SREK1IP1: variants seen among roughly 807,000 people sequenced by gnomAD.
The protein encoded by SREK1IP1 is SREK1 interacting protein 1.
SREK1IP1 carries 12 observed loss-of-function variants against 22.8 expected under a neutral mutation model. The observed-to-expected ratio is 0.53, with a 90% CI of 0.34 to 0.85. The LOEUF (loss-of-function observed/expected upper bound fraction) is 0.85, where lower values mean the gene tolerates loss of function less well. Ranked by LOEUF, SREK1IP1 falls within the 40% of genes least tolerant of loss-of-function variation. The pLI is 0.02. For synonymous variants in SREK1IP1, 53 were observed against 52.7 expected (o/e 1.01, Z -0.02); for missense variants, 147 against 171.8 (o/e 0.86, Z 0.81).
intron 2 of SREK1IP1, among the ~76,000 whole-genome samples, chr5:64,749,419 T>C (rs1212941357): frequency 1.1e-4 from 16 of 151,390 alleles, no homozygotes; most frequent in Admixed American, 3.3e-4. Context: ...TCTGTAGTCA[T>C]ATATTCTTTC....
In SREK1IP1 at chr5:64,722,654, T is replaced by G. The variant is rs1173752473; in HGVS notation, c.*1730A>C. The G allele has an allele frequency of 6.6e-6, 1 of 152,232 alleles. No homozygotes were observed. Among genetic ancestry groups the G allele is most frequent in the Non-Finnish European group, 1.5e-5 (1 of 68,032 alleles). 9.4% of individuals were successfully genotyped at this position (152,232 alleles called of 1,614,324 possible). On this transcript the variant is annotated 3_prime_UTR_variant, in exon 5 of 5. Transcript: ENST00000513458. ...GCAAAACAAATCCCTAAAAACCTACTGGCTCTGTATTTTTTCTCCCAGTAA... is the reference window on the plus strand; with the variant it reads ...GCAAAACAAATCCCTAAAAACCTACGGGCTCTGTATTTTTTCTCCCAGTAA...
At chr5:64,749,586 G>A (rs1288530697) in intron 2 of SREK1IP1, among the ~76,000 whole-genome samples, 3 of 152,028 alleles carry the variant, frequency 2.0e-5, no homozygotes, top group African/African-American at 4.8e-5. Flanking sequence ...ACAGGTGCAC[G>A]CCACCGTGCC....
chr5:64,755,697 T>C (rs1456220516), intron 1 of SREK1IP1, among the ~76,000 whole-genome samples: 1 of 150,972 alleles, frequency 6.6e-6, no homozygotes, highest in Non-Finnish European at 1.5e-5. Context: ...CTGTCTAAAA[T>C]AAAAGTTGAA....
chr5:64,747,550 G>C (rs1045607351), intron 2 of SREK1IP1, among the ~76,000 whole-genome samples: 2 of 152,112 alleles, frequency 1.3e-5, no homozygotes, highest in Non-Finnish European at 2.9e-5. Context: ...GAAAATACGA[G>C]TGTTGGCAAA....
At position 64,740,578 on chromosome 5, in the gene SREK1IP1, C is replaced by T. The variant is rs75317769; in HGVS notation, c.205+479G>A. ...CCAGAACTCTCTGCTTTGCCTATGCCTCACGATCACTTGTATACTTGAAAT... is the reference window on the plus strand; with the variant it reads ...CCAGAACTCTCTGCTTTGCCTATGCTTCACGATCACTTGTATACTTGAAAT... On this transcript the variant is annotated intron_variant, in intron 3 of 4. Transcript: ENST00000513458. Among the ~76,000 whole-genome samples the T allele has an allele frequency of 1.6e-3, 241 of 152,274 alleles. 4 individuals carry two copies. In the East Asian group the frequency reaches 0.042, roughly 27 times the overall value.
intron 3 of SREK1IP1, among the ~76,000 whole-genome samples, chr5:64,739,357 A>G (rs1169255852): frequency 1.3e-5 from 2 of 152,080 alleles, no homozygotes; most frequent in African/African-American, 2.4e-5. Flanking sequence ...ATAAACCTCC[A>G]GTAGTCTGCT....
rs1233929966 is a variant in SREK1IP1, at chr5:64,736,525, G to A, written c.205+4532C>T. On this transcript the variant is annotated intron_variant, in intron 3 of 4. Transcript: ENST00000513458. ...TGCTCAGGCTGGAATGCAGTGGCAT[G>A]ATCTCGGCTCACTGCAACCTCTGCC... Among the ~76,000 whole-genome samples, 67 of 150,688 alleles carry A rather than the reference G, an allele frequency of 4.4e-4. 1 individual carries two copies. Among genetic ancestry groups the A allele is most frequent in the Admixed American group, 4.3e-3 (65 of 15,104 alleles).
At chr5:64,759,898 C>A (rs1561392504) in intron 1 of SREK1IP1, among the ~76,000 whole-genome samples, 2 of 152,132 alleles carry the variant, frequency 1.3e-5, no homozygotes, top group Non-Finnish European at 2.9e-5. Flanking sequence ...TAAATTAGTA[C>A]TATCTCTTAT....
chr5:64,725,866 T>C (rs1451222647), intron 4 of SREK1IP1, among the ~76,000 whole-genome samples: 2 of 147,996 alleles, frequency 1.4e-5, no homozygotes, highest in East Asian at 2.0e-4. Context: ...TGTTTCTTTT[T>C]TTTTTTTTTT....
At chr5:64,725,105 A>G (rs1742241335) in intron 4 of SREK1IP1, among the ~76,000 whole-genome samples, 1 of 152,174 alleles carries the variant, frequency 6.6e-6, no homozygotes, top group Non-Finnish European at 1.5e-5. Flanking sequence ...CTAGACGGAG[A>G]GTGATACAGA....
At chr5:64,765,162 T>A (rs1047385571) in intron 1 of SREK1IP1, 2 of 152,236 alleles carry the variant, frequency 1.3e-5, no homozygotes, top group African/African-American at 4.8e-5. Context: ...AAAGTAAATT[T>A]CACTGAAACC....
chr5:64,726,033 A>C (rs1447031725), intron 4 of SREK1IP1, among the ~76,000 whole-genome samples: 1 of 151,020 alleles, frequency 6.6e-6, no homozygotes, highest in African/African-American at 2.4e-5. Context: ...TCCACCAGCT[A>C]ATTTTTTTTG....
chr5:64,754,618 C>CGAGATCT, intron 1 of SREK1IP1: 1 of 362,138 alleles, frequency 2.8e-6, no homozygotes, highest in Non-Finnish European at 5.1e-6. Context: ...CATGTGCCAC[C>CGAGATCT]ACACCTGGCT....
intron 1 of SREK1IP1, among the ~76,000 whole-genome samples, chr5:64,759,322 T>C (rs572652308): frequency 1.1e-4 from 16 of 152,332 alleles, no homozygotes; most frequent in African/African-American, 3.1e-4. Context: ...AAAGTGACTA[T>C]AGTAGAGCTA....
At chr5:64,763,215 C>A (rs761431390) in intron 1 of SREK1IP1, among the ~76,000 whole-genome samples, 3 of 152,000 alleles carry the variant, frequency 2.0e-5, no homozygotes, top group Non-Finnish European at 2.9e-5. Context: ...TCACAAAGTA[C>A]AATTAATCCG....
chr5:64,737,811 A>G (rs1742491330), intron 3 of SREK1IP1, among the ~76,000 whole-genome samples: 1 of 152,156 alleles, frequency 6.6e-6, no homozygotes, highest in South Asian at 2.1e-4. Flanking sequence ...GAACATTTAT[A>G]TGTCAACAAA....
intron 1 of SREK1IP1, among the ~76,000 whole-genome samples, chr5:64,763,528 C>T (rs1218532778): frequency 6.6e-6 from 1 of 151,734 alleles, no homozygotes; most frequent in African/African-American, 2.4e-5. Flanking sequence ...CAGAGCGAGA[C>T]TCCGTCACCC....
chr5:64,723,018 T>C lies in SREK1IP1; in HGVS notation c.*1366A>G, dbSNP rs1007463243. The C allele has an allele frequency of 2.6e-5, 4 of 152,204 alleles. No homozygotes were observed. Among genetic ancestry groups the C allele is most frequent in the African/African-American group, 4.8e-5 (2 of 41,470 alleles). 9.4% of individuals were successfully genotyped at this position (152,204 alleles called of 1,614,324 possible). On this transcript the variant is annotated 3_prime_UTR_variant, in exon 5 of 5. Coordinates refer to ENST00000513458, the MANE Select transcript of SREK1IP1 (RefSeq NM_173829.4). ...AATTTGAAAATTTCTAAGCGCACCATAGTGAGGTATTTGCAATCTTTGGTG... is the reference window on the plus strand; with the variant it reads ...AATTTGAAAATTTCTAAGCGCACCACAGTGAGGTATTTGCAATCTTTGGTG...
intron 3 of SREK1IP1, among the ~76,000 whole-genome samples, chr5:64,740,232 C>T (rs932904396): frequency 9.9e-5 from 15 of 151,994 alleles, no homozygotes; most frequent in South Asian, 2.1e-4. Flanking sequence ...GGAGAAATCT[C>T]TCTGAAACAC....
Sources: gnomAD v4.1 joint callset for allele counts (sites outside exome capture counted in the v4.1 genomes callset) on GRCh38, gnomAD v4.1.1 for gene constraint, MANE v1.5 for transcripts, NCBI Gene and HGNC (gene_info 2026-07-23, HGNC 2026-07-21) for gene names.